Variants in EXOC6B observed in about 807,000 individuals in gnomAD.
The protein encoded by EXOC6B is SEC15 homolog B.
A neutral mutation model predicts 113.5 loss-of-function variants in EXOC6B; 54 were observed. The ratio of observed to expected loss-of-function variants is 0.48; its 90% CI spans 0.38 to 0.60. EXOC6B has a LOEUF of 0.60. Ranked by LOEUF, EXOC6B falls within the 20% of genes least tolerant of loss-of-function variation. The pLI is 0.00. For synonymous variants in EXOC6B, 357 were observed against 339.0 expected (o/e 1.05, Z -0.58); for missense variants, 797 against 977.5 (o/e 0.82, Z 2.46).
chr2:72,528,492 CTTTT>C (rs764023560), intron 8 of EXOC6B, among the ~76,000 whole-genome samples: 3 of 151,956 alleles, frequency 2.0e-5, no homozygotes, highest in Non-Finnish European at 4.4e-5. Flanking sequence ...ATTTATTCTT[CTTTT>C]TTTAAAATTT....
At chr2:72,205,058 G>A (rs1169973064) in intron 20 of EXOC6B, among the ~76,000 whole-genome samples, 1 of 152,130 alleles carries the variant, frequency 6.6e-6, no homozygotes, top group Non-Finnish European at 1.5e-5. Flanking sequence ...CTTGCTCCTG[G>A]CTTCTCATGA....
chr2:72,806,622 T>C (rs1281114067), intron 1 of EXOC6B, among the ~76,000 whole-genome samples: 1 of 152,248 alleles, frequency 6.6e-6, no homozygotes, highest in Non-Finnish European at 1.5e-5. Context: ...CTTTCCACAG[T>C]GGCTGATCTA....
Position 72,631,461 on chromosome 2 carries a change from TAGAGAGAGAGAGAGAGAGAGAGAGAGAG to T in EXOC6B, c.670-55821_670-55794del, listed in dbSNP as rs372313608. On this transcript the variant is annotated intron_variant, in intron 6 of 21. Transcript: ENST00000272427. ...ATATATATATATATATATATATATATAGAGAGAGAGAGAGAGAGAGAGAGAGAGAGAGAGAGAGAGAGAGAGAGAGAGA... is the reference window on the plus strand; with the variant it reads ...ATATATATATATATATATATATATATAGAGAGAGAGAGAGAGAGAGAGAGA... Among the ~76,000 whole-genome samples the T allele has an allele frequency of 9.8e-3, 95 of 9,718 alleles. 1 individual carries two copies. Among genetic ancestry groups the T allele is most frequent in the South Asian group, 0.04 (8 of 200 alleles). 6.4% of individuals were successfully genotyped at this position (9,718 alleles called of 152,430 possible).
chr2:72,464,779 C>T (rs1276616132), intron 18 of EXOC6B: 1 of 197,614 alleles, frequency 5.1e-6, no homozygotes, highest in Non-Finnish European at 1.0e-5. Context: ...TGGAGCATTT[C>T]ATCAAAGAAT....
chr2:72,797,838 A>AT (rs142590533), intron 1 of EXOC6B, among the ~76,000 whole-genome samples: 6,017 of 142,910 alleles, frequency 0.042, 176 homozygotes, highest in Non-Finnish European at 0.065. Context: ...TAATTAATTA[A>AT]TAATAATAAT....
chr2:72,315,224 A>G (rs1316887704), intron 20 of EXOC6B, among the ~76,000 whole-genome samples: 1 of 152,166 alleles, frequency 6.6e-6, no homozygotes, highest in African/African-American at 2.4e-5. Context: ...AAGTCATATC[A>G]AGTGCAAAGG....
chr2:72,613,130 TTAA>T (rs1172607154), intron 6 of EXOC6B, among the ~76,000 whole-genome samples: 32 of 152,336 alleles, frequency 2.1e-4, no homozygotes, highest in Admixed American at 1.2e-3. Context: ...ATTTTTTGAC[TTAA>T]TGATCAGTGT....
intron 19 of EXOC6B, among the ~76,000 whole-genome samples, chr2:72,350,315 G>A (rs1689581904): frequency 6.6e-6 from 1 of 152,070 alleles, no homozygotes; most frequent in Non-Finnish European, 1.5e-5. Context: ...TTTGCTTCAT[G>A]GAATTGTTCT....
In EXOC6B at chr2:72,825,770, C is replaced by T. The variant is rs1686867736; in HGVS notation, c.113+28G>A. ...CCTGCCCCGTCCCGCCCGTTCCCGC[C>T]CCTCTGTGGTCCCGGCACCCGGGGT... On this transcript the variant is annotated intron_variant, in intron 1 of 21. Transcript: ENST00000272427. This position sits in a 1 kb window ranked among gnomAD's most constrained non-coding sequence, Gnocchi z 4.4. The T allele has an allele frequency of 1.9e-6, 3 of 1,606,892 alleles. No individual in the cohort carries two copies. Among genetic ancestry groups the T allele is most frequent in the Admixed American group, 1.7e-5 (1 of 59,856 alleles).
At chr2:72,726,781 T>C (rs1244285315) in intron 5 of EXOC6B, among the ~76,000 whole-genome samples, 3 of 152,124 alleles carry the variant, frequency 2.0e-5, no homozygotes. Context: ...TCATACATTG[T>C]AAAGATAGAA....
chr2:72,541,015 A>G (rs1702573364), intron 8 of EXOC6B, among the ~76,000 whole-genome samples: 1 of 152,154 alleles, frequency 6.6e-6, no homozygotes, highest in Admixed American at 6.5e-5. Flanking sequence ...TTGTGTCCCC[A>G]CCAAAATCTC....
intron 1 of EXOC6B, among the ~76,000 whole-genome samples, chr2:72,783,741 G>C (rs1313629062): frequency 6.6e-6 from 1 of 152,046 alleles, no homozygotes; most frequent in Admixed American, 6.6e-5. Flanking sequence ...GTATAGTCTG[G>C]ATATTATCCC....
chr2:72,677,682 A>C (rs1380623109), intron 6 of EXOC6B, among the ~76,000 whole-genome samples: 1 of 152,246 alleles, frequency 6.6e-6, no homozygotes, highest in African/African-American at 2.4e-5. Context: ...AAATATCATC[A>C]AAGGTGGGTT....
chr2:72,752,785 T>G (rs1235896212), intron 1 of EXOC6B, among the ~76,000 whole-genome samples: 1 of 152,154 alleles, frequency 6.6e-6, no homozygotes, highest in Non-Finnish European at 1.5e-5. Context: ...TCACTTTTAA[T>G]TTCATCATTT....
At chr2:72,401,835 TA>T (rs1290704940) in intron 18 of EXOC6B, among the ~76,000 whole-genome samples, 1 of 148,010 alleles carries the variant, frequency 6.8e-6, no homozygotes, top group African/African-American at 2.5e-5. Context: ...TACAAAAAAT[TA>T]AAGACAAAAC....
At chr2:72,376,878 C>T (rs1240398172) in intron 19 of EXOC6B, among the ~76,000 whole-genome samples, 1 of 151,356 alleles carries the variant, frequency 6.6e-6, no homozygotes, top group Non-Finnish European at 1.5e-5. Context: ...CCTTCAAAGG[C>T]TATTGAGTTT....
chr2:72,587,535 T>C (rs1292752162), intron 6 of EXOC6B, among the ~76,000 whole-genome samples: 1 of 152,154 alleles, frequency 6.6e-6, no homozygotes, highest in East Asian at 1.9e-4. Context: ...GTAACAAACC[T>C]GCACGTGGCC....
chr2:72,737,974 T>G (rs1681071449), intron 2 of EXOC6B, among the ~76,000 whole-genome samples: 1 of 152,218 alleles, frequency 6.6e-6, no homozygotes, highest in African/African-American at 2.4e-5. Context: ...TAATATATCC[T>G]AATACTCTGT....
chr2:72,637,057 T>C (rs1189933281), intron 6 of EXOC6B, among the ~76,000 whole-genome samples: 1 of 151,894 alleles, frequency 6.6e-6, no homozygotes, highest in Non-Finnish European at 1.5e-5. Context: ...AAAAATACAA[T>C]ACCACTTATA....
Sources: gnomAD v4.1 joint callset for allele counts (sites outside exome capture counted in the v4.1 genomes callset) on GRCh38, gnomAD v4.1.1 for gene constraint, Gnocchi (gnomAD v3.1) non-coding constraint, MANE v1.5 for transcripts, NCBI Gene and HGNC (gene_info 2026-07-23, HGNC 2026-07-21) for gene names.